The following ROBO2 variants were observed in gnomAD, a reference collection of about 807,000 sequenced individuals.
ROBO2 encodes the protein roundabout guidance receptor 2.
ROBO2 carries 53 observed loss-of-function variants against 160.8 expected under a neutral mutation model. That is an observed-to-expected ratio of 0.33 (90% CI 0.26 to 0.41). The LOEUF (loss-of-function observed/expected upper bound fraction) is 0.41, where lower values mean the gene tolerates loss of function less well. Ranked by LOEUF, ROBO2 falls within the 10% of genes least tolerant of loss-of-function variation. The probability of loss-of-function intolerance (pLI) is 1.00; values close to 1 mark genes in which losing one functional copy is unlikely to be tolerated. For missense variants in ROBO2, 1,577 were observed against 1,722.4 expected (o/e 0.92, Z 1.49); for synonymous variants, 664 against 611.7 (o/e 1.09, Z -1.26).
At chr3:77,546,996 T>A (rs559713905) in intron 7 of ROBO2, among the ~76,000 whole-genome samples, 1 of 152,194 alleles carries the variant, frequency 6.6e-6, no homozygotes, top group South Asian at 2.1e-4. Context: ...CCTCCTGGAT[T>A]CATCCATAGT....
chr3:76,710,719 TG>T (rs2093276028), intron 2 of ROBO2, among the ~76,000 whole-genome samples: 1 of 152,174 alleles, frequency 6.6e-6, no homozygotes, highest in African/African-American at 2.4e-5. Flanking sequence ...ATTACTTTTT[TG>T]TTTGTTTCTT....
chr3:76,646,078 G>C (rs2090956675), intron 2 of ROBO2, among the ~76,000 whole-genome samples: 1 of 152,132 alleles, frequency 6.6e-6, no homozygotes, highest in South Asian at 2.1e-4. Context: ...AGGTAATTGA[G>C]ATTCTTTCAC....
intron 2 of ROBO2, among the ~76,000 whole-genome samples, chr3:76,971,762 G>C (rs571929621): frequency 6.6e-6 from 1 of 152,094 alleles, no homozygotes; most frequent in South Asian, 2.1e-4. Context: ...CAAATTATTG[G>C]CCATAACTAG....
intron 2 of ROBO2, among the ~76,000 whole-genome samples, chr3:76,215,775 G>A (rs1472658477): frequency 6.6e-6 from 1 of 152,104 alleles, no homozygotes; most frequent in Admixed American, 6.5e-5. Context: ...ATCTAGCAAG[G>A]CAGGCCAACA....
chr3:76,657,652 AT>A (rs2091607482), intron 2 of ROBO2, among the ~76,000 whole-genome samples: 2 of 138,898 alleles, frequency 1.4e-5, no homozygotes, highest in African/African-American at 2.9e-5. Context: ...ATGTGTATAT[AT>A]ATTCATATAT....
chr3:76,179,642 A>T (rs1326243312), intron 2 of ROBO2, among the ~76,000 whole-genome samples: 1 of 151,952 alleles, frequency 6.6e-6, no homozygotes, highest in Non-Finnish European at 1.5e-5. Context: ...CCTTCTTCCA[A>T]TTCATCTGCC....
chr3:76,712,672 C>A (rs891057078), intron 2 of ROBO2, among the ~76,000 whole-genome samples: 1 of 150,308 alleles, frequency 6.7e-6, no homozygotes, highest in South Asian at 2.1e-4. Context: ...GAGATGCCGT[C>A]TCAAAAAAAA....
chr3:76,431,490 A>T (rs1017809430), intron 2 of ROBO2, among the ~76,000 whole-genome samples: 97 of 152,278 alleles, frequency 6.4e-4, no homozygotes, highest in Admixed American at 2.1e-3. Flanking sequence ...GATATAGTAA[A>T]TCTGAGGCCT....
At chr3:76,451,681 T>G (rs1054962752) in intron 2 of ROBO2, among the ~76,000 whole-genome samples, 1 of 152,174 alleles carries the variant, frequency 6.6e-6, no homozygotes, top group Non-Finnish European at 1.5e-5. Flanking sequence ...ATTAAATTAT[T>G]ATAGTGCCAT....
chr3:77,150,391 G>A lies in ROBO2; in HGVS notation c.388+52051G>A, dbSNP rs74725676. Among the ~76,000 whole-genome samples the A allele has an allele frequency of 6.8e-3, 1,031 of 152,236 alleles. 3 individuals carry two copies. Among genetic ancestry groups the A allele is most frequent in the Middle Eastern group, 0.02 (6 of 294 alleles). On this transcript the variant is annotated intron_variant, in intron 2 of 25. Transcript: ENST00000461745. The stretch of plus-strand genomic sequence containing the variant: ...AAAGAAAAATTCTTTATAGCAAAAC[G>A]TAAAGAAAGACAAGTAACTTGAGGT...
chr3:77,011,872 G>T (rs1307870180), intron 2 of ROBO2, among the ~76,000 whole-genome samples: 3 of 152,014 alleles, frequency 2.0e-5, no homozygotes, highest in Admixed American at 2.0e-4. Context: ...CAAAATCAAT[G>T]ATGAATTCAT....
intron 8 of ROBO2, among the ~76,000 whole-genome samples, chr3:77,553,938 A>G (rs1208415050): frequency 6.6e-6 from 1 of 151,980 alleles, no homozygotes; most frequent in African/African-American, 2.4e-5. Context: ...TGGCTATACT[A>G]AACAGATTTT....
intron 2 of ROBO2, among the ~76,000 whole-genome samples, chr3:76,105,877 T>C (rs1576881816): frequency 6.6e-6 from 1 of 152,100 alleles, no homozygotes; most frequent in Non-Finnish European, 1.5e-5. Flanking sequence ...AATTCCTTTG[T>C]TCATAATTAA....
intron 2 of ROBO2, among the ~76,000 whole-genome samples, chr3:76,992,586 T>C (rs1279112326): frequency 1.3e-5 from 2 of 151,586 alleles, no homozygotes; most frequent in Non-Finnish European, 2.9e-5. Context: ...CAATTTTTCA[T>C]GGGAGAGAAT....
chr3:76,195,872 T>C (rs1442657963), intron 2 of ROBO2, among the ~76,000 whole-genome samples: 1 of 152,128 alleles, frequency 6.6e-6, no homozygotes, highest in Non-Finnish European at 1.5e-5. Context: ...GGGTGTGAGG[T>C]TTAAGGAAGT....
At chr3:77,365,397 A>T (rs2070715106) in intron 2 of ROBO2, among the ~76,000 whole-genome samples, 1 of 151,980 alleles carries the variant, frequency 6.6e-6, no homozygotes, top group Non-Finnish European at 1.5e-5. Flanking sequence ...TTTTTTTGGG[A>T]GGCTCTGCTT....
At position 77,174,715 on chromosome 3, in the gene ROBO2, G is replaced by A. The variant is rs894939260; in HGVS notation, c.388+76375G>A. Reference sequence around the variant, plus strand: ...TTTATGATTTTCATTTACTCCAGTCGAAACCTGTCAAATAGCTACTTTTTC... The same window carrying A: ...TTTATGATTTTCATTTACTCCAGTCAAAACCTGTCAAATAGCTACTTTTTC... On this transcript the variant is annotated intron_variant, in intron 2 of 25. Coordinates refer to ENST00000461745, the Ensembl canonical transcript of ROBO2. Among the ~76,000 whole-genome samples the A allele has an allele frequency of 5.9e-5, 9 of 151,896 alleles. No homozygotes were observed. In the South Asian group the frequency reaches 6.2e-4, roughly 10 times the overall value.
Position 75,933,719 on chromosome 3 carries a change from AC to A in ROBO2, c.-13-3760del, listed in dbSNP as rs143258048. On this transcript the variant is annotated intron_variant, in intron 1 of 26. Coordinates refer to the ROBO2 transcript ENST00000487694. The stretch of plus-strand genomic sequence containing the variant: ...AGTTGGCTGGCTGGGGAAGAATAAA[AC>A]CATCTAGAAGATCCACATGACGAGT... Among the ~76,000 whole-genome samples, 871 of 152,242 alleles carry A rather than the reference AC, an allele frequency of 5.7e-3. 5 individuals carry two copies. The highest frequency in any genetic ancestry group is 0.02 in the African/African-American group (839 of 41,544).
chr3:77,642,821 G>A (rs1241648440), intron 24 of ROBO2: 1 of 456,674 alleles, frequency 2.2e-6, no homozygotes. Flanking sequence ...GACACAAAGA[G>A]CTCATTGGAT....
Sources: allele counts gnomAD v4.1 joint callset (sites outside exome capture counted in the v4.1 genomes callset), GRCh38; gene constraint gnomAD v4.1.1; transcripts MANE v1.5; gene names NCBI Gene and HGNC (gene_info 2026-07-23, HGNC 2026-07-21).